Variants in ZMYM3 observed in about 807,000 individuals in gnomAD.
The protein encoded by ZMYM3 is zinc finger MYM-type protein 3.
ZMYM3 carries 6 observed loss-of-function variants against 94.2 expected under a neutral mutation model. The observed-to-expected ratio is 0.06, with a 90% CI of 0.03 to 0.13. The LOEUF is 0.13. Ranked by LOEUF, ZMYM3 falls within the 10% of genes least tolerant of loss-of-function variation. The pLI is 1.00. For missense variants in ZMYM3, 664 were observed against 1,132.6 expected (o/e 0.59, Z 5.94); for synonymous variants, 420 against 426.5 (o/e 0.98, Z 0.19).
At chrX:71,252,393 C>T (rs2030525198) in intron 2 of ZMYM3, among the ~76,000 whole-genome samples, 196 bp downstream of exon 2, 1 of 95,176 alleles carries the variant, frequency 1.1e-5, no homozygotes, top group Non-Finnish European at 2.1e-5. Context: ...ACAGCCTGTG[C>T]CCACCCCTAC....
chrX:71,250,229 TTCAC>T, intron 5 of ZMYM3, 26 bp from the exon 6 acceptor site: 1 of 1,146,104 alleles, frequency 8.7e-7, no homozygotes, highest in Non-Finnish European at 1.2e-6. Flanking sequence ...GGTTTGAATA[TTCAC>T]TCAAGACCAC....
intron 23 of ZMYM3, among the ~76,000 whole-genome samples, chrX:71,241,903 C>T (rs778620356): frequency 8.9e-6 from 1 of 111,981 alleles, no homozygotes; most frequent in South Asian, 3.8e-4. Context: ...ACCTGTCCAC[C>T]ACCCAGAAAA....
In ZMYM3 at chrX:71,247,494, G is replaced by A. The variant is rs2147980891; in HGVS notation, c.2165C>T (p.Ala722Val). The change falls in exon 13 of 25, where the codon GCG (alanine) becomes GTG (valine). Residue 722 changes from alanine (A) to valine (V), a missense_variant. Physicochemically the swap from Ala to Val is moderately conservative, Grantham distance 64. Coordinates refer to ENST00000314425, the MANE Select transcript of ZMYM3 (RefSeq NM_201599.3). ...CAGCAGCTTCCCCTGGCGCTTACACGCATGGCACCGGGCAGCCTGAGGATG... is the reference window on the plus strand; with the variant it reads ...CAGCAGCTTCCCCTGGCGCTTACACACATGGCACCGGGCAGCCTGAGGATG... ...LWYCKAARCH[A>V]CKRQGKLLET... The A allele has an allele frequency of 8.3e-7, 1 of 1,210,640 alleles. No individual in the cohort carries two copies. Among genetic ancestry groups the A allele is most frequent in the Non-Finnish European group, 1.1e-6 (1 of 894,679 alleles).
Position 71,244,809 on chromosome X carries a change from A to G in ZMYM3, c.3092T>C (p.Leu1031Pro). The change falls in exon 19 of 25, where the codon CTT (leucine) becomes CCT (proline). Residue 1031 changes from leucine to proline, a missense_variant. Coordinates refer to ENST00000314425, the MANE Select transcript of ZMYM3 (RefSeq NM_201599.3). ...CCCTACCTTCCTCATGGTTCGGGGAAGGTCTTGTTCAGTAGACACATCCTC... is the reference window on the plus strand; with the variant it reads ...CCCTACCTTCCTCATGGTTCGGGGAGGGTCTTGTTCAGTAGACACATCCTC... Reference protein sequence around the residue: ...GPEDVSTEQDLPRTMRKGQKR... With the variant: ...GPEDVSTEQDPPRTMRKGQKR... The G allele has an allele frequency of 8.3e-7, 1 of 1,207,153 alleles. No individual in the cohort carries two copies. Among genetic ancestry groups the G allele is most frequent in the Non-Finnish European group, 1.1e-6 (1 of 892,607 alleles).
At chrX:71,254,487 C>G (rs2030665991), upstream of ZMYM3, 1 of 111,766 alleles carries the variant, frequency 8.9e-6, no homozygotes, top group Admixed American at 9.4e-5. Flanking sequence ...TTACCTGGCT[C>G]AAGAGTCTGG....
At chrX:71,247,580 T>G in intron 12 of ZMYM3, 70 bp from the exon 13 acceptor site, 1 of 1,157,248 alleles carries the variant, frequency 8.6e-7, no homozygotes, top group Non-Finnish European at 1.2e-6. Flanking sequence ...TCCCCCGGGA[T>G]AAGCCATGCT....
intron 23 of ZMYM3, 107 bp downstream of exon 23, chrX:71,242,063 A>C: frequency 9.7e-7 from 1 of 1,034,167 alleles, no homozygotes; most frequent in Non-Finnish European, 1.3e-6. Context: ...GAGGGAAGCT[A>C]GGCGCCAAGG....
chrX:71,247,576 G>A (rs960995470), intron 12 of ZMYM3, 66 bp from the exon 13 acceptor site: 22 of 1,160,842 alleles, frequency 1.9e-5, no homozygotes, highest in Non-Finnish European at 1.6e-5. Context: ...TCTTTCCCCC[G>A]GGATAAGCCA....
Position 71,245,459 on chromosome X carries a change from C to T in ZMYM3, c.2887G>A (p.Gly963Arg). The change falls in exon 18 of 25, where the codon GGA becomes AGA. Residue 963 changes from glycine to arginine, a missense_variant. Gly to Arg is a moderately radical substitution (Grantham distance 125). Transcript: ENST00000314425. ...CDLVSNQSAE[G>R]LLEDCDLFGP... ...AACAGGTCACAGTCTTCCAGGAGTC[C>T]CTCTGCACTCTGGTTGCTCACAAGA... The T allele has an allele frequency of 8.3e-7, 1 of 1,209,407 alleles. No homozygotes were observed. Among genetic ancestry groups the T allele is most frequent in the Non-Finnish European group, 1.1e-6 (1 of 894,447 alleles).
Position 71,246,338 on chromosome X carries a change from G to A in ZMYM3, c.2572+15C>T. Reference sequence around the variant, plus strand: ...TCTGGAATACAGCCTGTGGCATCGAGGTACCCTGGCTCACCTGTTTGACTT... The same window carrying A: ...TCTGGAATACAGCCTGTGGCATCGAAGTACCCTGGCTCACCTGTTTGACTT... On this transcript the variant is annotated intron_variant, in intron 15 of 24. Transcript: ENST00000314425. The A allele has an allele frequency of 1.7e-6, 2 of 1,210,662 alleles. No individual in the cohort carries two copies. The highest frequency in any genetic ancestry group is 2.2e-6 in the Non-Finnish European group (2 of 895,148).
rs768823342 is a variant in ZMYM3, at chrX:71,243,126, G to C, written c.3433-42C>G. The C allele has an allele frequency of 2.8e-6, 3 of 1,062,097 alleles. No homozygotes were observed. The South Asian group carries it at 5.8e-5, about 21-fold the overall frequency. 87.5% of individuals were successfully genotyped at this position (1,062,097 alleles called of 1,213,427 possible). On this transcript the variant is annotated intron_variant, in intron 21 of 24. Coordinates refer to ENST00000314425, the MANE Select transcript of ZMYM3 (RefSeq NM_201599.3). ...AGACACACCTAAGGCTAGACTGTAG[G>C]TCCTAGAAGAAAGATAATGATGCTG...
rs144822289 is a variant in ZMYM3, at chrX:71,246,606, T to C, written c.2401A>G (p.Asn801Asp). ...GCTTTTGCCCCGACCTTGCCCAAAT[T>C]CCCATTTTCCTCTGGGGTCCTCACT... is the stretch of plus-strand genomic sequence containing the variant. ...NTVRTPEENG[N>D]LGKIPVKTRS... Residue 801 changes from asparagine to aspartate, a missense_variant, in exon 14 of 25, where the codon AAT (asparagine) becomes GAT (aspartate). Asn to Asp is a conservative substitution (Grantham distance 23). This residue lies in a region of ZMYM3 where 57 missense variants were observed against 52.0 expected (regional missense o/e 1.10). Transcript: ENST00000314425. 8.3e-7 allele frequency: 1 copy of C among 1,211,355 alleles called. No individual in the cohort carries two copies. The highest frequency in any genetic ancestry group is 1.7e-5 in the African/African-American group (1 of 57,795).
chrX:71,251,941 A>C (rs769218369), intron 2 of ZMYM3: 3 of 670,689 alleles, frequency 4.5e-6, no homozygotes, highest in East Asian at 1.6e-4. Flanking sequence ...CAAAGGTAGC[A>C]AAAGGAAAAG....
rs145533396 is a variant in ZMYM3, at chrX:71,246,926, G to C, written c.2315-234C>G. ...ACATTTTCCCCCAAAACCCACATTT[G>C]AGACCTTCCACTTAGATAGCCTGAA... is the stretch of plus-strand genomic sequence containing the variant. On this transcript the variant is annotated intron_variant, in intron 13 of 24. Coordinates refer to ENST00000314425, the MANE Select transcript of ZMYM3 (RefSeq NM_201599.3). Among the ~76,000 whole-genome samples the C allele has an allele frequency of 1.2e-3, 133 of 111,544 alleles. No homozygotes were observed. In the East Asian group the frequency reaches 0.033, roughly 28 times the overall value.
At position 71,240,609 on chromosome X, in the gene ZMYM3, C is replaced by A; in HGVS notation, c.*307G>T. 4.2e-6 allele frequency: 1 copy of A among 240,624 alleles called. No homozygotes were observed. The highest frequency in any genetic ancestry group is 7.5e-6 in the Non-Finnish European group (1 of 133,779). The allele number at this position is 240,624 out of a possible 1,213,427, so 19.8% of individuals were successfully genotyped here. On this transcript the variant is annotated 3_prime_UTR_variant, in exon 25 of 25. Coordinates refer to ENST00000314425, the MANE Select transcript of ZMYM3 (RefSeq NM_201599.3). ...AACAGGATCACCAGAGCTATTAACA[C>A]TCCACCCAGAGTCTGGACCCAGAAG...
Position 71,251,462 on chromosome X carries a change from ACT to A in ZMYM3, c.711+94_711+95del. ...CCTCCTCCTAACTCTCCTTACACAC[ACT>A]CTCTACAGAACAACATCTGGGAGGG... On this transcript the variant is annotated intron_variant, in intron 3 of 24. Transcript: ENST00000314425. 16 of 1,075,736 alleles carry A rather than the reference ACT, an allele frequency of 1.5e-5. No homozygotes were observed. The South Asian group carries it at 3.5e-4, about 24-fold the overall frequency. The allele number at this position is 1,075,736 out of a possible 1,213,427, so 88.7% of individuals were successfully genotyped here.
In ZMYM3 at chrX:71,241,137, G is replaced by C. The variant is rs752110676; in HGVS notation, c.3921-29C>G. 2.9e-5 allele frequency: 35 copies of C among 1,194,243 alleles called. No individual in the cohort carries two copies. In the South Asian group the frequency reaches 6.2e-4, roughly 21 times the overall value. On this transcript the variant is annotated intron_variant, in intron 24 of 24. Transcript: ENST00000314425. ...CAACATCGGGGGTGGGAGTGGGAGT[G>C]GGGGTGGCAGGACAGAAGATCAGTA...
intron 18 of ZMYM3, 78 bp downstream of exon 18, chrX:71,245,261 C>CAGGG: frequency 8.7e-7 from 1 of 1,147,760 alleles, no homozygotes; most frequent in Non-Finnish European, 1.2e-6. Flanking sequence ...GGGTCATGCT[C>CAGGG]AGGGACACAA....
In ZMYM3 at chrX:71,250,070, G is replaced by T; in HGVS notation, c.1207C>A (p.Pro403Thr). The change falls in exon 6 of 25, where the codon CCC becomes ACC. Residue 403 changes from proline (P) to threonine (T), a missense_variant. Coordinates refer to ENST00000314425, the MANE Select transcript of ZMYM3 (RefSeq NM_201599.3). ...QQRPIPQSGD[P>T]ADATRCSICQ... ...ATGCTGCAGCGAGTAGCGTCGGCGGGATCCCCAGACTGGGGGATCGGGCGC... is the reference window on the plus strand; with the variant it reads ...ATGCTGCAGCGAGTAGCGTCGGCGGTATCCCCAGACTGGGGGATCGGGCGC... 8.3e-7 allele frequency: 1 copy of T among 1,201,210 alleles called. No individual in the cohort carries two copies. Among genetic ancestry groups the T allele is most frequent in the Non-Finnish European group, 1.1e-6 (1 of 890,985 alleles).
Sources: allele counts gnomAD v4.1 joint callset (sites outside exome capture counted in the v4.1 genomes callset), GRCh38; gene constraint gnomAD v4.1.1; regional missense constraint gnomAD v4.1.1; transcripts MANE v1.5; gene names NCBI Gene and HGNC (gene_info 2026-07-23, HGNC 2026-07-21).